Variants in NELL2 observed in about 807,000 individuals in gnomAD.
The protein encoded by NELL2 is neural EGFL like 2.
NELL2 carries 41 observed loss-of-function variants against 109.6 expected under a neutral mutation model. The ratio of observed to expected loss-of-function variants is 0.37; its 90% CI spans 0.29 to 0.49. The LOEUF (loss-of-function observed/expected upper bound fraction) is 0.49, where lower values mean the gene tolerates loss of function less well. Ranked by LOEUF, NELL2 falls within the 20% of genes least tolerant of loss-of-function variation. The pLI is 0.98. For synonymous variants in NELL2, 355 were observed against 344.7 expected, an observed-to-expected ratio of 1.03 and a Z score of -0.33; for missense variants, 900 against 1,008.3, an observed-to-expected ratio of 0.89 and a Z score of 1.45.
At chr12:44,693,711 A>C (rs1344869282) in intron 12 of NELL2, among the ~76,000 whole-genome samples, 2 of 152,184 alleles carry the variant, frequency 1.3e-5, no homozygotes, top group Admixed American at 1.3e-4. Context: ...ATAGAAAGTA[A>C]ATGATGAATG....
Position 44,875,213 on chromosome 12 carries a change from C to T in NELL2, c.184+12G>A, listed in dbSNP as rs774629491. The T allele has an allele frequency of 8.1e-6, 13 of 1,604,840 alleles. No homozygotes were observed. The highest frequency in any genetic ancestry group is 2.2e-5 in the East Asian group (1 of 44,652). On this transcript the variant is annotated intron_variant, in intron 2 of 19. Coordinates refer to ENST00000429094, the MANE Select transcript of NELL2 (RefSeq NM_001145108.2). Reference sequence around the variant, plus strand: ...CTGAAATCACAGTGGGGATGCAGCACGCCGGGCATACCTTGAAAGAGAAAG... The same window carrying T: ...CTGAAATCACAGTGGGGATGCAGCATGCCGGGCATACCTTGAAAGAGAAAG...
At chr12:44,781,895 G>A (rs1353102880) in intron 3 of NELL2, among the ~76,000 whole-genome samples, 1 of 151,700 alleles carries the variant, frequency 6.6e-6, no homozygotes, top group Non-Finnish European at 1.5e-5. Context: ...TAAAAGAACA[G>A]CAAAATAATG....
At chr12:44,767,987 G>C (rs1941402176) in intron 9 of NELL2, among the ~76,000 whole-genome samples, 1 of 152,154 alleles carries the variant, frequency 6.6e-6, no homozygotes, top group Admixed American at 6.5e-5. Context: ...AGAAAGAATG[G>C]TAGAGTTAAA....
intron 9 of NELL2, among the ~76,000 whole-genome samples, chr12:44,741,169 A>G (rs1283676179): frequency 6.6e-6 from 1 of 152,180 alleles, no homozygotes; most frequent in East Asian, 1.9e-4. Flanking sequence ...CTTTATGATA[A>G]TCTACTTCCA....
chr12:44,661,283 C>G (rs1389112233), intron 13 of NELL2, among the ~76,000 whole-genome samples: 1 of 152,234 alleles, frequency 6.6e-6, no homozygotes, highest in Non-Finnish European at 1.5e-5. Flanking sequence ...GTCCTAGGAT[C>G]AAGGTTAAAC....
intron 9 of NELL2, among the ~76,000 whole-genome samples, chr12:44,743,480 T>C (rs1006930543): frequency 6.8e-6 from 1 of 146,870 alleles, no homozygotes; most frequent in Non-Finnish European, 1.5e-5. Flanking sequence ...ATGGGCTAAA[T>C]GCCCCAATTA....
rs576800582 is a variant in NELL2, at chr12:44,769,199, C to G, written c.994+5548G>C. On this transcript the variant is annotated intron_variant, in intron 9 of 19. Transcript: ENST00000429094. ...TTTAAGGTGACAGGACTAGAATCAT[C>G]TATATTGATGTGCAAATAAAATAAG... Among the ~76,000 whole-genome samples the G allele has an allele frequency of 1.1e-3, 175 of 152,208 alleles. 1 individual carries two copies. The highest frequency in any genetic ancestry group is 3.4e-3 in the Middle Eastern group (1 of 294).
At chr12:44,729,574 A>AAAAC (rs1555206436) in intron 9 of NELL2, among the ~76,000 whole-genome samples, 37,902 of 148,516 alleles carry the variant, frequency 0.26, 5,093 homozygotes, top group Non-Finnish European at 0.31. Flanking sequence ...TAAAAAAAAA[A>AAAAC]AAAACCAAGA....
At chr12:44,576,352 C>T (rs1944083928) in intron 15 of NELL2, among the ~76,000 whole-genome samples, 1 of 152,172 alleles carries the variant, frequency 6.6e-6, no homozygotes, top group Admixed American at 6.5e-5. Context: ...AAACCATGAG[C>T]TCCTTGAGGG....
At chr12:44,737,132 C>T (rs138182138) in intron 9 of NELL2, among the ~76,000 whole-genome samples, 2 of 152,000 alleles carry the variant, frequency 1.3e-5, no homozygotes, top group African/African-American at 2.4e-5. Flanking sequence ...ATACCACATA[C>T]TATATTAAAA....
At chr12:44,740,267 G>T (rs780385852) in intron 9 of NELL2, among the ~76,000 whole-genome samples, 1 of 152,156 alleles carries the variant, frequency 6.6e-6, no homozygotes, top group East Asian at 1.9e-4. Context: ...CAGTATATCA[G>T]ATGATATACT....
chr12:44,883,910 T>C (rs1945442937), intron 1 of NELL2, among the ~76,000 whole-genome samples: 1 of 151,642 alleles, frequency 6.6e-6, no homozygotes, highest in Non-Finnish European at 1.5e-5. Flanking sequence ...ATAGTTAAGA[T>C]AGAACAGAAA....
rs75607838 is a variant in NELL2, at chr12:44,628,142, G to A, written c.1445-17172C>T. Among the ~76,000 whole-genome samples the A allele has an allele frequency of 1.2e-3, 178 of 152,226 alleles. No individual in the cohort carries two copies. In the East Asian group the frequency reaches 0.027, roughly 23 times the overall value. On this transcript the variant is annotated intron_variant, in intron 13 of 19. Transcript: ENST00000429094. Reference sequence around the variant, plus strand: ...GGCTAATATGTAATTTAAGTACATCGTATCTTCACACACAGATCCTCATTC... The same window carrying A: ...GGCTAATATGTAATTTAAGTACATCATATCTTCACACACAGATCCTCATTC...
rs189653911 is a variant in NELL2, at chr12:44,788,907, C to T, written c.336-8885G>A. 3.3e-5 allele frequency among the ~76,000 whole-genome samples: 5 copies of T among 152,122 alleles called. No individual in the cohort carries two copies. The East Asian group carries it at 9.7e-4, about 30-fold the overall frequency. On this transcript the variant is annotated intron_variant, in intron 3 of 19. Coordinates refer to ENST00000429094, the MANE Select transcript of NELL2 (RefSeq NM_001145108.2). ...TGCCAGCTTTCCCCCACTTCCCTAA[C>T]AACCTTCATGACTCAGCAGAGGCAG...
At chr12:44,644,044 TGTAA>T (rs910907139) in intron 13 of NELL2, among the ~76,000 whole-genome samples, 1 of 152,156 alleles carries the variant, frequency 6.6e-6, no homozygotes, top group Admixed American at 6.5e-5. Flanking sequence ...ACATTTGGGC[TGTAA>T]GTGTCTCAAA....
intron 16 of NELL2, 132 bp from the exon 17 acceptor site, chr12:44,523,616 T>C: frequency 1.5e-6 from 1 of 680,404 alleles, no homozygotes; most frequent in Non-Finnish European, 2.5e-6. Context: ...GGCTTGCATT[T>C]GTGATTAAAT....
intron 1 of NELL2, among the ~76,000 whole-genome samples, chr12:44,885,297 T>A (rs996456033): frequency 6.6e-6 from 1 of 151,498 alleles, no homozygotes; most frequent in Non-Finnish European, 1.5e-5. Flanking sequence ...AAATTAAAAA[T>A]TAAAATTAAA....
At chr12:44,560,635 A>C (rs927371291) in intron 15 of NELL2, among the ~76,000 whole-genome samples, 1 of 152,344 alleles carries the variant, frequency 6.6e-6, no homozygotes, top group African/African-American at 2.4e-5. Context: ...ACCAGGAAGA[A>C]GTCGAATCCC....
chr12:44,648,809 CA>C (rs1207324512), intron 13 of NELL2, among the ~76,000 whole-genome samples: 3 of 145,014 alleles, frequency 2.1e-5, no homozygotes, highest in Non-Finnish European at 4.5e-5. Context: ...GATCTCGGCT[CA>C]CTGCAACCTC....
Sources: gnomAD v4.1 joint callset for allele counts (sites outside exome capture counted in the v4.1 genomes callset) on GRCh38, gnomAD v4.1.1 for gene constraint, MANE v1.5 for transcripts, NCBI Gene and HGNC (gene_info 2026-07-23, HGNC 2026-07-21) for gene names.